ARHGAP20: variants seen among roughly 807,000 people sequenced by gnomAD.
ARHGAP20 encodes the protein Rho GTPase activating protein 20.
A neutral mutation model predicts 73.7 loss-of-function variants in ARHGAP20; 34 were observed. The ratio of observed to expected loss-of-function variants is 0.46; its 90% CI spans 0.35 to 0.61. The LOEUF (loss-of-function observed/expected upper bound fraction) is 0.61. Among genes scored for constraint, ARHGAP20 ranks in the 20% least tolerant of loss-of-function variants. ARHGAP20 has a pLI of 0.00. For missense variants in ARHGAP20, 1,314 were observed against 1,420.9 expected (o/e 0.92, Z 1.21); for synonymous variants, 523 against 518.2 (o/e 1.01, Z -0.13).
At chr11:110,612,749 T>A (rs1948398139) in intron 6 of ARHGAP20, among the ~76,000 whole-genome samples, 4 of 152,222 alleles carry the variant, frequency 2.6e-5, no homozygotes, top group Admixed American at 2.0e-4. Context: ...TATGAGTGAA[T>A]TATTTGATAT....
rs764596968 is a variant in ARHGAP20 at position 110,580,651 on chromosome 11, A to G, written c.2295T>C (p.Thr765=). The G allele has an allele frequency of 6.2e-7, 1 of 1,614,212 alleles. No homozygotes were observed. The highest frequency in any genetic ancestry group is 1.3e-5 in the African/African-American group (1 of 75,066). Residue 765 remains threonine, a synonymous_variant, in exon 15 of 15, where the codon ACT becomes ACC. Coordinates refer to ENST00000683387, the MANE Select transcript of ARHGAP20 (RefSeq NM_001384657.1). ...TCFKQSLVTG[T]DVSKKNATTQ... is the part of the protein sequence containing the mutation. ...TAGTGGCATTTTTCTTGCTGACATC[A>G]GTGCCTGTGACTAAACTCTGTTTAA... is the stretch of plus-strand genomic sequence containing the variant.
intron 2 of ARHGAP20, among the ~76,000 whole-genome samples, chr11:110,643,263 C>T (rs1475689269): frequency 2.6e-5 from 4 of 151,998 alleles, no homozygotes; most frequent in South Asian, 2.1e-4. Context: ...TTTTATGTCT[C>T]GATTTCATCC....
intron 9 of ARHGAP20, among the ~76,000 whole-genome samples, chr11:110,596,113 G>C (rs879048431): frequency 1.3e-5 from 2 of 152,084 alleles, no homozygotes; most frequent in Non-Finnish European, 2.9e-5. Flanking sequence ...GAAACTGGAT[G>C]CCTTCCTCAC....
In ARHGAP20 at chr11:110,577,297, CTG is replaced by C. The variant is rs1947310354; in HGVS notation, c.*2071_*2072del. The C allele has an allele frequency of 7.3e-7, 1 of 1,368,566 alleles. No homozygotes were observed. The highest frequency in any genetic ancestry group is 9.4e-7 in the Non-Finnish European group (1 of 1,059,018). The allele number at this position is 1,368,566 out of a possible 1,614,324, so 84.8% of individuals were successfully genotyped here. A position where few individuals can be genotyped will look rare whatever the true frequency, so the allele number is the denominator to read the frequency against. On this transcript the variant is annotated 3_prime_UTR_variant, in exon 15 of 15. Coordinates refer to ENST00000683387, the MANE Select transcript of ARHGAP20 (RefSeq NM_001384657.1). ...GGAGTATAATAAAATGACATATAGT[CTG>C]TCTTCAAATCATACAATATAATACT...
At chr11:110,602,266 T>A (rs1163383315) in intron 9 of ARHGAP20, among the ~76,000 whole-genome samples, 1 of 152,100 alleles carries the variant, frequency 6.6e-6, no homozygotes, top group African/African-American at 2.4e-5. Flanking sequence ...AAACGAAAAG[T>A]GGACTTCTTC....
chr11:110,685,599 T>G (rs1161659341), intron 2 of ARHGAP20, among the ~76,000 whole-genome samples: 4 of 152,146 alleles, frequency 2.6e-5, no homozygotes, highest in Admixed American at 1.3e-4. Context: ...TACAGTTAAC[T>G]CATCAGTTAA....
Position 110,580,988 on chromosome 11 carries a change from C to T in ARHGAP20, c.1958G>A (p.Arg653Gln), listed in dbSNP as rs759906371. ...GTTCACCGGCTTGGATTCAAGAGGC[C>T]GTTTCATTTGAACATCTTCATCTTT... ...HSKDEDVQMK[R>Q]PLESKPVNIL... The change falls in exon 15 of 15, where the codon CGG becomes CAG. Residue 653 changes from arginine (R) to glutamine (Q), a missense_variant. Coordinates refer to ENST00000683387, the MANE Select transcript of ARHGAP20 (RefSeq NM_001384657.1). The T allele has an allele frequency of 1.4e-5, 22 of 1,613,958 alleles. No homozygotes were observed. The highest frequency in any genetic ancestry group is 3.3e-5 in the Admixed American group (2 of 59,992).
chr11:110,648,228 T>C (rs1190590108), intron 2 of ARHGAP20, among the ~76,000 whole-genome samples: 11 of 81,812 alleles, frequency 1.3e-4, no homozygotes, highest in Non-Finnish European at 1.9e-4. Flanking sequence ...TATGTATATA[T>C]ATATATATGT....
intron 2 of ARHGAP20, among the ~76,000 whole-genome samples, chr11:110,645,121 T>C (rs1201369335): frequency 2.6e-5 from 4 of 152,082 alleles, no homozygotes; most frequent in Admixed American, 1.3e-4. Flanking sequence ...GTGATTCTCA[T>C]GCCTTAGCCT....
At chr11:110,586,773 A>G (rs1036832063) in intron 11 of ARHGAP20, among the ~76,000 whole-genome samples, 4 of 152,210 alleles carry the variant, frequency 2.6e-5, no homozygotes, top group Admixed American at 2.0e-4. Context: ...GCCAAGCACT[A>G]TTTAAGTTGC....
At chr11:110,589,252 A>T (rs1947757819) in intron 11 of ARHGAP20, among the ~76,000 whole-genome samples, 1 of 152,176 alleles carries the variant, frequency 6.6e-6, no homozygotes, top group East Asian at 1.9e-4. Context: ...TTGAAGAGTA[A>T]TCATAAACCC....
chr11:110,605,440 A>G (rs1021671234), intron 9 of ARHGAP20, among the ~76,000 whole-genome samples: 2 of 152,260 alleles, frequency 1.3e-5, no homozygotes, highest in Non-Finnish European at 2.9e-5. Flanking sequence ...AGTATGAAAT[A>G]TAAATTAGAA....
intron 2 of ARHGAP20, among the ~76,000 whole-genome samples, chr11:110,641,781 C>A (rs1949083545): frequency 6.6e-6 from 1 of 152,122 alleles, no homozygotes; most frequent in East Asian, 1.9e-4. Context: ...AAACAGATCC[C>A]AACTAAGGGA....
At chr11:110,594,559 G>A (rs1410013544) in intron 9 of ARHGAP20, among the ~76,000 whole-genome samples, 1 of 152,046 alleles carries the variant, frequency 6.6e-6, no homozygotes, top group African/African-American at 2.4e-5. Flanking sequence ...CATATATGAA[G>A]GAATACCAAT....
intron 2 of ARHGAP20, among the ~76,000 whole-genome samples, chr11:110,635,227 T>A (rs914510382): frequency 6.6e-6 from 1 of 152,106 alleles, no homozygotes; most frequent in Non-Finnish European, 1.5e-5. Flanking sequence ...CCTTTCTCTA[T>A]TACATTCTCA....
intron 2 of ARHGAP20, among the ~76,000 whole-genome samples, chr11:110,673,320 AG>A (rs1949866141): frequency 6.6e-6 from 1 of 152,226 alleles, no homozygotes; most frequent in Admixed American, 6.5e-5. Flanking sequence ...ACAAAATATT[AG>A]GAAGGATATT....
At chr11:110,610,631 C>T (rs1441347666) in intron 7 of ARHGAP20, among the ~76,000 whole-genome samples, 1 of 152,064 alleles carries the variant, frequency 6.6e-6, no homozygotes, top group African/African-American at 2.4e-5. Flanking sequence ...TCTACCTCAT[C>T]CTCAAATGTT....
chr11:110,590,590 A>C, intron 11 of ARHGAP20, 58 bp downstream of exon 11: 1 of 1,481,400 alleles, frequency 6.8e-7, no homozygotes, highest in Non-Finnish European at 9.0e-7. Flanking sequence ...GAAAAAGTAA[A>C]ACACCCTCTT....
At chr11:110,664,125 CAAAG>C (rs1025716463) in intron 2 of ARHGAP20, among the ~76,000 whole-genome samples, 7 of 151,980 alleles carry the variant, frequency 4.6e-5, no homozygotes, top group African/African-American at 1.7e-4. Flanking sequence ...AGGAATAAAA[CAAAG>C]AGGTCCACTA....
Sources: allele counts gnomAD v4.1 joint callset (sites outside exome capture counted in the v4.1 genomes callset), GRCh38; gene constraint gnomAD v4.1.1; transcripts MANE v1.5; gene names NCBI Gene and HGNC (gene_info 2026-07-23, HGNC 2026-07-21).